Variants in SORCS1 observed in about 807,000 individuals in gnomAD.
SORCS1 encodes the protein sortilin related VPS10 domain containing receptor 1.
In SORCS1, 60 loss-of-function variants were observed where a neutral mutation model predicts 146.1. The observed-to-expected ratio is 0.41, with a 90% CI of 0.33 to 0.51. The LOEUF (loss-of-function observed/expected upper bound fraction) is 0.51, where lower values mean the gene tolerates loss of function less well. Ranked by LOEUF, SORCS1 falls within the 20% of genes least tolerant of loss-of-function variation. The pLI, the probability that SORCS1 is intolerant of heterozygous loss-of-function variation, is 0.21. For missense variants in SORCS1, 1,352 were observed against 1,487.6 expected (o/e 0.91, Z 1.50); for synonymous variants, 637 against 584.0 (o/e 1.09, Z -1.31).
Position 107,062,083 on chromosome 10 carries a change from A to G in SORCS1, c.558+101886T>C, listed in dbSNP as rs113397905. Among the ~76,000 whole-genome samples the G allele has an allele frequency of 5.8e-3, 881 of 152,292 alleles. 6 individuals are homozygous for G. The highest frequency in any genetic ancestry group is 0.02 in the African/African-American group (836 of 41,572). On this transcript the variant is annotated intron_variant, in intron 1 of 25. Transcript: ENST00000263054. ...CCCTCATCTTTAGATGAGGAGACACATAAAGAAATTCACTGATCTATCCAA... is the reference window on the plus strand; with the variant it reads ...CCCTCATCTTTAGATGAGGAGACACGTAAAGAAATTCACTGATCTATCCAA...
chr10:106,966,906 A>G (rs1039155189), intron 1 of SORCS1, among the ~76,000 whole-genome samples: 10 of 152,318 alleles, frequency 6.6e-5, no homozygotes, highest in Middle Eastern at 3.4e-3. Flanking sequence ...AAAAATAAAA[A>G]TAAAAATAAA....
chr10:106,887,476 C>T (rs941482943), intron 2 of SORCS1, among the ~76,000 whole-genome samples: 2 of 152,098 alleles, frequency 1.3e-5, no homozygotes, highest in African/African-American at 4.8e-5. Flanking sequence ...CCTCAGGAGG[C>T]TGAGGCAGGA....
intron 2 of SORCS1, among the ~76,000 whole-genome samples, chr10:106,889,802 G>C (rs1419212898): frequency 6.7e-6 from 1 of 149,480 alleles, no homozygotes; most frequent in East Asian, 2.0e-4. Flanking sequence ...GCAGAATAGC[G>C]TGAACCCGGG....
chr10:106,702,845 C>G (rs181631209), intron 8 of SORCS1, among the ~76,000 whole-genome samples: 2 of 152,248 alleles, frequency 1.3e-5, no homozygotes, highest in Admixed American at 1.3e-4. Flanking sequence ...TGTGATCTTA[C>G]AGATTTTGTA....
intron 1 of SORCS1, among the ~76,000 whole-genome samples, chr10:106,961,471 A>G (rs193276412): frequency 1.3e-5 from 2 of 152,372 alleles, no homozygotes. Flanking sequence ...ATGCTTTTCT[A>G]AACAGAAGCA....
chr10:106,689,288 T>C (rs1853115532), intron 9 of SORCS1, among the ~76,000 whole-genome samples: 1 of 152,232 alleles, frequency 6.6e-6, no homozygotes, highest in Non-Finnish European at 1.5e-5. Context: ...CATTCATGCA[T>C]ATTTTACCCT....
chr10:106,807,525 G>A (rs774778219), intron 3 of SORCS1, among the ~76,000 whole-genome samples: 10 of 152,106 alleles, frequency 6.6e-5, no homozygotes, highest in Non-Finnish European at 1.5e-4. Flanking sequence ...GTGATTTCTG[G>A]CTGTGGTTTT....
intron 2 of SORCS1, among the ~76,000 whole-genome samples, chr10:106,943,854 T>C (rs181714793): frequency 1.3e-5 from 2 of 152,106 alleles, no homozygotes; most frequent in East Asian, 3.9e-4. Context: ...CTCATCCCCA[T>C]CTCCCATTCC....
chr10:106,686,601 AAT>A (rs1309607138), intron 10 of SORCS1, among the ~76,000 whole-genome samples: 1 of 152,184 alleles, frequency 6.6e-6, no homozygotes, highest in Non-Finnish European at 1.5e-5. Flanking sequence ...GTATTCAATA[AAT>A]AGCTGCTACA....
intron 9 of SORCS1, among the ~76,000 whole-genome samples, chr10:106,694,499 T>G (rs537883970): frequency 6.6e-6 from 1 of 152,294 alleles, no homozygotes; most frequent in African/African-American, 2.4e-5. Flanking sequence ...CTTCTGCCTC[T>G]GCCTCCTAAA....
chr10:106,671,530 T>G (rs1245113631), intron 15 of SORCS1, among the ~76,000 whole-genome samples, 163 bp from the exon 16 acceptor site: 1 of 152,218 alleles, frequency 6.6e-6, no homozygotes, highest in African/African-American at 2.4e-5. Context: ...TAGAGCCCTA[T>G]TATACAACCT....
intron 1 of SORCS1, among the ~76,000 whole-genome samples, chr10:107,011,702 C>T (rs1197761917): frequency 6.6e-6 from 1 of 152,192 alleles, no homozygotes; most frequent in Non-Finnish European, 1.5e-5. Context: ...CAGAATGTTT[C>T]ACCTTCTCCT....
chr10:106,584,801 A>G (rs2418811), intron 24 of SORCS1, among the ~76,000 whole-genome samples: 23,113 of 152,212 alleles, frequency 0.15, 1,978 homozygotes, highest in South Asian at 0.32. Context: ...GTGAATCTTC[A>G]GTAATATCCA....
At chr10:106,729,699 C>G (rs149778349) in intron 6 of SORCS1, among the ~76,000 whole-genome samples, 3 of 152,112 alleles carry the variant, frequency 2.0e-5, no homozygotes, top group Non-Finnish European at 2.9e-5. Context: ...TTCTGGATAA[C>G]CTATATATTT....
chr10:106,999,684 C>T (rs889798776), intron 1 of SORCS1, among the ~76,000 whole-genome samples: 3 of 152,184 alleles, frequency 2.0e-5, no homozygotes, highest in African/African-American at 7.2e-5. Flanking sequence ...GCTTCAGGGA[C>T]TTCTGAGCCA....
chr10:106,580,948 C>A (rs190240892), intron 24 of SORCS1, among the ~76,000 whole-genome samples: 1 of 152,258 alleles, frequency 6.6e-6, no homozygotes, highest in Non-Finnish European at 1.5e-5. Context: ...GTAAGTCAAA[C>A]TTCACCTCAG....
intron 1 of SORCS1, among the ~76,000 whole-genome samples, chr10:107,111,212 T>C (rs1037471153): frequency 1.6e-4 from 25 of 152,184 alleles, no homozygotes; most frequent in African/African-American, 6.0e-4. Flanking sequence ...GAACATTCTA[T>C]AATTGACTCC....
intron 6 of SORCS1, among the ~76,000 whole-genome samples, chr10:106,727,672 T>A (rs570981581): frequency 3.9e-5 from 6 of 152,310 alleles, no homozygotes; most frequent in African/African-American, 1.4e-4. Context: ...AATAGTTGTA[T>A]AAAAGCAATC....
chr10:106,987,881 T>C (rs1404736194), intron 1 of SORCS1, among the ~76,000 whole-genome samples: 1 of 152,206 alleles, frequency 6.6e-6, no homozygotes, highest in Non-Finnish European at 1.5e-5. Flanking sequence ...AAATCACTTG[T>C]TCACTTATGT....
Sources: allele counts gnomAD v4.1 joint callset (sites outside exome capture counted in the v4.1 genomes callset), GRCh38; gene constraint gnomAD v4.1.1; transcripts MANE v1.5; gene names NCBI Gene and HGNC (gene_info 2026-07-23, HGNC 2026-07-21).